The following CACNG5 variants were observed in gnomAD, a reference collection of about 807,000 sequenced individuals.
The protein encoded by CACNG5 is voltage-dependent calcium channel gamma-5 subunit.
CACNG5 carries 18 observed loss-of-function variants against 24.8 expected under a neutral mutation model. That is an observed-to-expected ratio of 0.73 (90% CI 0.50 to 1.08). The LOEUF (loss-of-function observed/expected upper bound fraction) is 1.08. Ranked by LOEUF, CACNG5 falls within the 50% of genes least tolerant of loss-of-function variation. CACNG5 has a pLI of 0.00. For synonymous variants in CACNG5, 157 were observed against 149.1 expected (o/e 1.05, Z -0.39); for missense variants, 349 against 367.9 (o/e 0.95, Z 0.42).
At chr17:66,873,614 G>A (rs542047989) in intron 1 of CACNG5, among the ~76,000 whole-genome samples, 1 of 152,132 alleles carries the variant, frequency 6.6e-6, no homozygotes, top group Non-Finnish European at 1.5e-5. Context: ...CAAGACTCAG[G>A]GGCTTAGTCC....
intron 1 of CACNG5, among the ~76,000 whole-genome samples, chr17:66,873,826 A>G (rs1294428950): frequency 2.0e-5 from 3 of 152,012 alleles, no homozygotes; most frequent in Non-Finnish European, 2.9e-5. Flanking sequence ...CTTTGCTCAA[A>G]TAAGTTTGGA....
At chr17:66,861,025 G>GCA (rs140020871) in intron 1 of CACNG5, among the ~76,000 whole-genome samples, 39,079 of 150,150 alleles carry the variant, frequency 0.26, 5,061 homozygotes, top group South Asian at 0.41. Context: ...GCACATGCAC[G>GCA]CACACACACA....
At position 66,892,949 on chromosome 17, in the gene CACNG5, G is replaced by A. The variant is rs987510481; in HGVS notation, c.*7709G>A. Among the ~76,000 whole-genome samples, 4 of 152,110 alleles carry A rather than the reference G, an allele frequency of 2.6e-5. No homozygotes were observed. Among genetic ancestry groups the A allele is most frequent in the East Asian group, 3.8e-4 (2 of 5,206 alleles). On this transcript the variant is annotated 3_prime_UTR_variant, in exon 6 of 6. Transcript: ENST00000533854. ...TTGCAAATGTCGATTCAGATACTAC[G>A]ACTTCAGCTTCAACCCCAGCAGGTC...
chr17:66,880,179 G>A lies in CACNG5; in HGVS notation c.284-378G>A, dbSNP rs192789500. ...GCAACCCCTTGCCCAAGGAAATGGT[G>A]AATCTGCCTGGAAGAGGAAGCAAGA... On this transcript the variant is annotated intron_variant, in intron 3 of 5. Transcript: ENST00000533854. Among the ~76,000 whole-genome samples, 6 of 152,236 alleles carry A rather than the reference G, an allele frequency of 3.9e-5. No homozygotes were observed. The East Asian group carries it at 5.8e-4, about 15-fold the overall frequency.
chr17:66,854,553 G>A (rs1335478639), intron 1 of CACNG5, among the ~76,000 whole-genome samples: 1 of 151,754 alleles, frequency 6.6e-6, no homozygotes, highest in East Asian at 1.9e-4. Context: ...AATTAGCCAG[G>A]CATGGTGGTG....
At chr17:66,870,698 G>A (rs552444926) in intron 1 of CACNG5, among the ~76,000 whole-genome samples, 90 of 152,224 alleles carry the variant, frequency 5.9e-4, no homozygotes, top group African/African-American at 1.9e-3. Context: ...GTCACATAGC[G>A]CCAGGTGTGG....
At chr17:66,853,292 T>C (rs1340783744) in intron 1 of CACNG5, among the ~76,000 whole-genome samples, 2 of 152,268 alleles carry the variant, frequency 1.3e-5, no homozygotes, top group Non-Finnish European at 2.9e-5. Flanking sequence ...TGGGACTATA[T>C]GAATCAAGCT....
intron 1 of CACNG5, among the ~76,000 whole-genome samples, chr17:66,839,285 A>T (rs968929384): frequency 2.7e-5 from 3 of 111,850 alleles, no homozygotes; most frequent in Admixed American, 1.8e-4. Flanking sequence ...GACAACCAAA[A>T]ATGTCTCCAG....
At chr17:66,871,869 C>G (rs1382487185) in intron 1 of CACNG5, among the ~76,000 whole-genome samples, 5 of 152,116 alleles carry the variant, frequency 3.3e-5, no homozygotes, top group South Asian at 4.2e-4. Context: ...CAAAAAGAAA[C>G]AAACAAACAA....
Position 66,892,230 on chromosome 17 carries a change from T to G in CACNG5, c.*6990T>G, listed in dbSNP as rs1377642237. Among the ~76,000 whole-genome samples the G allele has an allele frequency of 1.3e-5, 2 of 152,268 alleles. No homozygotes were observed. Among genetic ancestry groups the G allele is most frequent in the East Asian group, 3.8e-4 (2 of 5,204 alleles). ...CCAGCCCCACCTCCTCCGACAAGGC[T>G]GTGCCTGGGGCAAGACGCCAAATTC... On this transcript the variant is annotated 3_prime_UTR_variant, in exon 6 of 6. Transcript: ENST00000533854.
At position 66,886,395 on chromosome 17, in the gene CACNG5, C is replaced by A. The variant is rs1318354923; in HGVS notation, c.*1155C>A. On this transcript the variant is annotated 3_prime_UTR_variant, in exon 6 of 6. Transcript: ENST00000533854. Reference sequence around the variant, plus strand: ...GGGTGTAGGACAGATGTGGGCAAATCAGATTTTTCCAGAAGACCAGGCAGT... The same window carrying A: ...GGGTGTAGGACAGATGTGGGCAAATAAGATTTTTCCAGAAGACCAGGCAGT... Among the ~76,000 whole-genome samples the A allele has an allele frequency of 2.0e-5, 3 of 152,110 alleles. No individual in the cohort carries two copies.
chr17:66,884,734 T>TG, intron 5 of CACNG5, 73 bp downstream of exon 5: 5 of 1,613,946 alleles, frequency 3.1e-6, no homozygotes, highest in Non-Finnish European at 4.2e-6. Context: ...AGAGTGGGGA[T>TG]GGGGGAGAAG....
At chr17:66,882,155 G>A (rs1224290259) in intron 4 of CACNG5, among the ~76,000 whole-genome samples, 2 of 152,134 alleles carry the variant, frequency 1.3e-5, no homozygotes, top group Non-Finnish European at 2.9e-5. Flanking sequence ...AGAGAAATGA[G>A]AGGGTTCAAG....
chr17:66,842,201 C>T (rs974377633), intron 1 of CACNG5, among the ~76,000 whole-genome samples: 3 of 152,106 alleles, frequency 2.0e-5, no homozygotes, highest in African/African-American at 7.2e-5. Context: ...GGCTTATCAG[C>T]CTCTACCAGG....
chr17:66,880,745 T>C (rs758744850), intron 4 of CACNG5, 48 bp downstream of exon 4: 1 of 1,601,454 alleles, frequency 6.2e-7, no homozygotes, highest in Non-Finnish European at 8.5e-7. Context: ...TTTTTGTTTT[T>C]TGTTTTTTGT....
At chr17:66,857,949 C>T (rs954948648) in intron 1 of CACNG5, among the ~76,000 whole-genome samples, 7 of 152,150 alleles carry the variant, frequency 4.6e-5, no homozygotes, top group Admixed American at 6.5e-5. Flanking sequence ...TCATGGGCAG[C>T]GGGAATTAAG....
At chr17:66,835,510 C>A (rs1976472032) in intron 1 of CACNG5, among the ~76,000 whole-genome samples, 1 of 152,212 alleles carries the variant, frequency 6.6e-6, no homozygotes, top group African/African-American at 2.4e-5. Flanking sequence ...GAGATGATGA[C>A]GCCCCCTCTT....
intron 4 of CACNG5, among the ~76,000 whole-genome samples, chr17:66,881,232 T>C (rs1420626985): frequency 6.6e-6 from 1 of 152,222 alleles, no homozygotes. Context: ...GACTCCCCTC[T>C]GACAAATCTG....
chr17:66,862,888 TTC>T (rs144007490), intron 1 of CACNG5, among the ~76,000 whole-genome samples: 10 of 95,622 alleles, frequency 1.0e-4, no homozygotes, highest in Non-Finnish European at 2.1e-4. Context: ...TGCCAGCATA[TTC>T]TCTGTGTGTG....
Sources: gnomAD v4.1 joint callset for allele counts (sites outside exome capture counted in the v4.1 genomes callset) on GRCh38, gnomAD v4.1.1 for gene constraint, MANE v1.5 for transcripts, NCBI Gene and HGNC (gene_info 2026-07-23, HGNC 2026-07-21) for gene names.